The following TMEM266 variants were observed in gnomAD, a reference collection of about 807,000 sequenced individuals.
The protein encoded by TMEM266 is transmembrane protein 266.
TMEM266 carries 33 observed loss-of-function variants against 50.5 expected under a neutral mutation model. The observed-to-expected ratio is 0.65, with a 90% confidence interval of 0.50 to 0.87. The LOEUF is 0.87. Among genes scored for constraint, TMEM266 ranks in the 40% least tolerant of loss-of-function variants. The pLI, the probability that TMEM266 is intolerant of heterozygous loss-of-function variation, is 0.00. For missense variants in TMEM266, 655 were observed against 695.1 expected, an observed-to-expected ratio of 0.94 and a Z score of 0.65; for synonymous variants, 310 against 292.3, an observed-to-expected ratio of 1.06 and a Z score of -0.62.
chr15:76,072,972 C>T (rs2036558639), intron 1 of TMEM266, among the ~76,000 whole-genome samples: 1 of 147,242 alleles, frequency 6.8e-6, no homozygotes, highest in Non-Finnish European at 1.5e-5. Context: ...GCTCTTGTTG[C>T]CCGGGCTGGA....
intron 1 of TMEM266, among the ~76,000 whole-genome samples, chr15:76,095,985 C>T (rs951826864): frequency 6.6e-6 from 1 of 151,912 alleles, no homozygotes; most frequent in African/African-American, 2.4e-5. Flanking sequence ...TTTTTTATTG[C>T]ATCTATTTGA....
chr15:76,156,881 C>A, intron 4 of TMEM266, 123 bp downstream of exon 4: 2 of 1,039,756 alleles, frequency 1.9e-6, no homozygotes, highest in Non-Finnish European at 2.8e-6. Flanking sequence ...TGCTGCCCAG[C>A]CTCAGGCCCT....
At position 76,156,742 on chromosome 15, in the gene TMEM266, T is replaced by C. The variant is rs763562512; in HGVS notation, c.366T>C (p.Asp122=). Residue 122 remains aspartate (D), a synonymous_variant, in exon 4 of 11, where the codon GAT becomes GAC. Transcript: ENST00000388942. ...TCCTGACTCTGGAACTTCTAATAGATATAAAGCTTCTCCAGTGTGAGTAGC... is the reference window on the plus strand; with the variant it reads ...TCCTGACTCTGGAACTTCTAATAGACATAAAGCTTCTCCAGTGTGAGTAGC... The C allele has an allele frequency of 2.5e-6, 4 of 1,613,936 alleles. No individual in the cohort carries two copies. The South Asian group carries it at 3.3e-5, about 13-fold the overall frequency.
At chr15:76,133,218 G>C (rs924145004) in intron 1 of TMEM266, among the ~76,000 whole-genome samples, 1 of 152,096 alleles carries the variant, frequency 6.6e-6, no homozygotes, top group African/African-American at 2.4e-5. Flanking sequence ...CGGATCACCT[G>C]AGGTTAGTAA....
At chr15:76,131,561 AG>A (rs1252806085) in intron 1 of TMEM266, among the ~76,000 whole-genome samples, 1 of 152,224 alleles carries the variant, frequency 6.6e-6, no homozygotes, top group Non-Finnish European at 1.5e-5. Context: ...GGTTTTATAA[AG>A]AGAACATAAA....
At chr15:76,151,871 A>G (rs529471868) in intron 3 of TMEM266, among the ~76,000 whole-genome samples, 12 of 152,106 alleles carry the variant, frequency 7.9e-5, no homozygotes, top group Non-Finnish European at 1.5e-4. Flanking sequence ...TGTAGATTCC[A>G]CTGAGTATCG....
Position 76,203,958 on chromosome 15 carries a change from TG to T in TMEM266, c.1240del (p.Ala414ProfsTer69). 1 of 1,612,730 alleles carries T rather than the reference TG, an allele frequency of 6.2e-7. No homozygotes were observed. Among genetic ancestry groups the T allele is most frequent in the Non-Finnish European group, 8.5e-7 (1 of 1,179,110 alleles). On this transcript the variant is annotated frameshift_variant, in exon 11 of 11. Transcript: ENST00000388942. LOFTEE classifies it high-confidence loss of function. ...TGGGCTCCTCCATGGACTGCAGCAC[TG>T]CCCGCGAGGAGCCGTCCTCTGAGCC...
intron 8 of TMEM266, among the ~76,000 whole-genome samples, chr15:76,184,096 A>C (rs1795157071): frequency 6.6e-6 from 1 of 152,234 alleles, no homozygotes; most frequent in Non-Finnish European, 1.5e-5. Context: ...AATAGCAGGA[A>C]TAAAGCCGTG....
chr15:76,096,023 G>T (rs1302240162), intron 1 of TMEM266, among the ~76,000 whole-genome samples: 1 of 151,796 alleles, frequency 6.6e-6, no homozygotes, highest in Non-Finnish European at 1.5e-5. Flanking sequence ...TATTAGTCTG[G>T]CTAGCAGACT....
chr15:76,114,453 A>T (rs1403069854), intron 1 of TMEM266, among the ~76,000 whole-genome samples: 1 of 152,182 alleles, frequency 6.6e-6, no homozygotes, highest in African/African-American at 2.4e-5. Context: ...TGGGAGGTGG[A>T]GGCTGCAGTG....
chr15:76,200,027 TAATGGGCCGTTTG>T (rs1388502299), intron 9 of TMEM266, among the ~76,000 whole-genome samples: 1 of 152,296 alleles, frequency 6.6e-6, no homozygotes, highest in Admixed American at 6.5e-5. Context: ...GATTAAATGC[TAATGGGCCGTTTG>T]ACCAGGAGTT....
At chr15:76,089,249 C>G (rs2141996885) in intron 1 of TMEM266, among the ~76,000 whole-genome samples, 1 of 133,056 alleles carries the variant, frequency 7.5e-6, no homozygotes, top group Non-Finnish European at 1.6e-5. Context: ...GGCTGGAGTG[C>G]AGTGGCGTAA....
Position 76,204,358 on chromosome 15 carries a change from C to T in TMEM266, c.*43C>T, listed in dbSNP as rs766110268. On this transcript the variant is annotated 3_prime_UTR_variant, in exon 11 of 11. Transcript: ENST00000388942. ...GTGAGATGAGGGGAGACAGCCATCT[C>T]AAAGCTCTCCTGGGACCCTGGAGGC... 1.3e-6 allele frequency: 2 copies of T among 1,535,122 alleles called. No individual in the cohort carries two copies. The highest frequency in any genetic ancestry group is 1.8e-6 in the Non-Finnish European group (2 of 1,131,556).
chr15:76,158,961 GGT>G (rs2037970373), intron 4 of TMEM266, among the ~76,000 whole-genome samples: 1 of 152,180 alleles, frequency 6.6e-6, no homozygotes, highest in Non-Finnish European at 1.5e-5. Flanking sequence ...AGAGGTTGTG[GGT>G]TCCTCTGTTT....
chr15:76,130,459 T>C (rs1198334266), intron 1 of TMEM266, among the ~76,000 whole-genome samples: 2 of 152,142 alleles, frequency 1.3e-5, no homozygotes, highest in South Asian at 4.1e-4. Context: ...AAGAATTGCT[T>C]GAACTGGGAT....
At chr15:76,172,873 G>A (rs564679213) in intron 7 of TMEM266, among the ~76,000 whole-genome samples, 33 of 152,118 alleles carry the variant, frequency 2.2e-4, no homozygotes, top group Non-Finnish European at 4.6e-4. Context: ...CCCCCGCTCG[G>A]GGCAGGATCA....
At chr15:76,102,020 G>A (rs1017264469) in intron 1 of TMEM266, among the ~76,000 whole-genome samples, 1 of 152,204 alleles carries the variant, frequency 6.6e-6, no homozygotes, top group Admixed American at 6.5e-5. Flanking sequence ...GACAGTACTG[G>A]AAGAAGCCAC....
intron 3 of TMEM266, among the ~76,000 whole-genome samples, chr15:76,152,769 C>G (rs1182090999): frequency 6.6e-6 from 1 of 152,182 alleles, no homozygotes; most frequent in Non-Finnish European, 1.5e-5. Context: ...AATCCCTCCA[C>G]CAGCTCTGCG....
At chr15:76,175,835 C>T in intron 8 of TMEM266, 161 bp downstream of exon 8, 1 of 586,786 alleles carries the variant, frequency 1.7e-6, no homozygotes, top group Non-Finnish European at 3.0e-6. Context: ...GAAGGGGACA[C>T]ATCTCCAGGT....
Sources: gnomAD v4.1 joint callset for allele counts (sites outside exome capture counted in the v4.1 genomes callset) on GRCh38, gnomAD v4.1.1 for gene constraint, MANE v1.5 for transcripts, NCBI Gene and HGNC (gene_info 2026-07-23, HGNC 2026-07-21) for gene names.